The following RBMS1 variants were observed in gnomAD, a reference collection of about 807,000 sequenced individuals.
The protein encoded by RBMS1 is RNA binding motif single stranded interacting protein 1, also known as RNA-binding motif, single-stranded-interacting protein 1.
In RBMS1, 17 loss-of-function variants were observed where a neutral mutation model predicts 62.3. That is an observed-to-expected ratio of 0.27 (90% confidence interval 0.19 to 0.41). The LOEUF (loss-of-function observed/expected upper bound fraction) is 0.41. Ranked by LOEUF, RBMS1 falls within the 10% of genes least tolerant of loss-of-function variation. The pLI is 1.00. For synonymous variants in RBMS1, 172 were observed against 170.0 expected, an observed-to-expected ratio of 1.01 and a Z score of -0.09; for missense variants, 334 against 504.5, an observed-to-expected ratio of 0.66 and a Z score of 3.24.
intron 1 of RBMS1, among the ~76,000 whole-genome samples, chr2:160,382,207 G>T (rs1694316636): frequency 6.6e-6 from 1 of 152,212 alleles, no homozygotes; most frequent in Non-Finnish European, 1.5e-5. Flanking sequence ...GGGTGAAGTT[G>T]GCAAGGGCTA....
At chr2:160,455,682 GCT>G (rs1491094567) in intron 1 of RBMS1, among the ~76,000 whole-genome samples, 5 of 132,722 alleles carry the variant, frequency 3.8e-5, no homozygotes, top group Non-Finnish European at 6.4e-5. Context: ...CCATTCCCAA[GCT>G]TTTTTTTTTT....
At chr2:160,439,931 TGCAATCGCAGGC>T (rs1244101655) in intron 1 of RBMS1, among the ~76,000 whole-genome samples, 1 of 151,836 alleles carries the variant, frequency 6.6e-6, no homozygotes, top group Non-Finnish European at 1.5e-5. Flanking sequence ...GGCGCGCGCC[TGCAATCGCAGGC>T]ACTCGGCAAG....
intron 9 of RBMS1, chr2:160,281,804 T>A (rs572641354): frequency 4.9e-4 from 89 of 181,610 alleles, no homozygotes; most frequent in Admixed American, 1.1e-3. Flanking sequence ...TTAAAGTATG[T>A]GCTTATTTAA....
chr2:160,434,335 A>G (rs1412045575), intron 1 of RBMS1, among the ~76,000 whole-genome samples: 2 of 152,168 alleles, frequency 1.3e-5, no homozygotes, highest in Admixed American at 6.5e-5. Flanking sequence ...TATTTTCAAA[A>G]TCTTACTCTA....
chr2:160,286,935 C>G (rs770934809), intron 7 of RBMS1, 34 bp downstream of exon 7: 1 of 1,606,754 alleles, frequency 6.2e-7, no homozygotes, highest in East Asian at 2.2e-5. Flanking sequence ...CACACCCCCT[C>G]CCCCACCCCG....
chr2:160,398,371 A>G (rs2105226587), intron 1 of RBMS1, among the ~76,000 whole-genome samples: 1 of 152,332 alleles, frequency 6.6e-6, no homozygotes, highest in East Asian at 1.9e-4. Flanking sequence ...CCATATAACA[A>G]TGTGTTTGAG....
At chr2:160,330,981 C>T (rs746919595) in intron 2 of RBMS1, among the ~76,000 whole-genome samples, 17 of 152,200 alleles carry the variant, frequency 1.1e-4, no homozygotes, top group Admixed American at 3.3e-4. Flanking sequence ...TGCGTGAAAA[C>T]GGAGGCAGAG....
intron 2 of RBMS1, among the ~76,000 whole-genome samples, chr2:160,361,525 C>T (rs543446103): frequency 1.3e-5 from 2 of 152,244 alleles, no homozygotes; most frequent in African/African-American, 4.8e-5. Flanking sequence ...TGCCATACAG[C>T]GAGTATTGCA....
intron 1 of RBMS1, among the ~76,000 whole-genome samples, chr2:160,403,497 C>A (rs1289920207): frequency 6.6e-6 from 1 of 152,234 alleles, no homozygotes; most frequent in African/African-American, 2.4e-5. Flanking sequence ...AGGCCAAACA[C>A]TGAATCACTG....
At chr2:160,410,221 CAAAAAAAAAAAA>C (rs575199475) in intron 1 of RBMS1, among the ~76,000 whole-genome samples, 1 of 68,022 alleles carries the variant, frequency 1.5e-5, no homozygotes, top group Non-Finnish European at 2.6e-5. Context: ...GACCCCGTCT[CAAAAAAAAAAAA>C]AAAAAAAAAA....
chr2:160,284,405 TA>T, intron 9 of RBMS1: 1 of 219,216 alleles, frequency 4.6e-6, no homozygotes, highest in Admixed American at 5.2e-5. Context: ...TGCTGAAGAA[TA>T]AACAAAAGCA....
intron 1 of RBMS1, among the ~76,000 whole-genome samples, chr2:160,476,071 T>G (rs1685115142): frequency 6.6e-6 from 1 of 152,134 alleles, no homozygotes; most frequent in Non-Finnish European, 1.5e-5. Flanking sequence ...TTGCACAGGC[T>G]GGTCTCAAAC....
chr2:160,471,718 A>ATATATATATATATAAAG (rs1357101386), intron 1 of RBMS1, among the ~76,000 whole-genome samples: 12 of 14,522 alleles, frequency 8.3e-4, no homozygotes, highest in Non-Finnish European at 2.1e-3. Context: ...TATATATATA[A>ATATATATATATATAAAG]CCTTTCATAC....
chr2:160,442,948 G>A (rs1047599213), intron 1 of RBMS1, among the ~76,000 whole-genome samples: 7 of 152,200 alleles, frequency 4.6e-5, no homozygotes, highest in Non-Finnish European at 1.0e-4. Flanking sequence ...GCTCACGCCT[G>A]TAATCTCAGC....
At chr2:160,386,833 A>G (rs1217283238) in intron 1 of RBMS1, among the ~76,000 whole-genome samples, 1 of 152,250 alleles carries the variant, frequency 6.6e-6, no homozygotes, top group Non-Finnish European at 1.5e-5. Context: ...GAACTAAGAC[A>G]TCAACCATTC....
At chr2:160,467,843 T>A (rs1684756577) in intron 1 of RBMS1, among the ~76,000 whole-genome samples, 1 of 151,942 alleles carries the variant, frequency 6.6e-6, no homozygotes, top group Admixed American at 6.6e-5. Context: ...CTTGCCATGC[T>A]GAAAGAAACA....
rs145556387 is a variant in RBMS1, at chr2:160,486,466, A to T, written c.75+6823T>A. ...CAGGACCAGTGAAAATATTTATGAC[A>T]TCTATGAAATGATCTCATTTTGTTG... On this transcript the variant is annotated intron_variant, in intron 1 of 13. Coordinates refer to ENST00000348849, the MANE Select transcript of RBMS1 (RefSeq NM_016836.4). 8.6e-3 allele frequency among the ~76,000 whole-genome samples: 1,303 copies of T among 152,270 alleles called. 10 individuals carry two copies. The highest frequency in any genetic ancestry group is 0.031 in the Middle Eastern group (9 of 294).
At chr2:160,298,135 T>A (rs902695633) in intron 6 of RBMS1, among the ~76,000 whole-genome samples, 1 of 152,150 alleles carries the variant, frequency 6.6e-6, no homozygotes, top group African/African-American at 2.4e-5. Flanking sequence ...ATTCTAGAAA[T>A]AATCAGAAAG....
intron 6 of RBMS1, among the ~76,000 whole-genome samples, chr2:160,299,106 G>A (rs1689083173): frequency 6.7e-6 from 1 of 149,810 alleles, no homozygotes; most frequent in Non-Finnish European, 1.5e-5. Context: ...TGGCTGTCTA[G>A]CTAACTAATA....
Sources: allele counts gnomAD v4.1 joint callset (sites outside exome capture counted in the v4.1 genomes callset), GRCh38; gene constraint gnomAD v4.1.1; transcripts MANE v1.5; gene names NCBI Gene and HGNC (gene_info 2026-07-23, HGNC 2026-07-21).